The following IRAG2 variants were observed in gnomAD, a reference collection of about 807,000 sequenced individuals.
IRAG2 encodes the protein lymphoid restricted membrane protein.
Under a neutral mutation model 69.9 loss-of-function variants are expected in IRAG2, and 45 were observed. The observed-to-expected ratio is 0.64, with a 90% CI of 0.51 to 0.83. IRAG2 has a LOEUF of 0.83. Ranked by LOEUF, IRAG2 falls within the 40% of genes least tolerant of loss-of-function variation. The pLI is 0.00. For missense variants in IRAG2, 520 were observed against 587.0 expected (o/e 0.89, Z 1.18); for synonymous variants, 193 against 202.4 (o/e 0.95, Z 0.40).
At chr12:25,064,352 A>T (rs1161655323) in intron 4 of IRAG2, among the ~76,000 whole-genome samples, 1 of 152,248 alleles carries the variant, frequency 6.6e-6, no homozygotes, top group Admixed American at 6.5e-5. Context: ...AGTAAGAATC[A>T]AAAGCCTTAA....
Position 25,052,742 on chromosome 12 carries a change from C to T in IRAG2, c.-661C>T, listed in dbSNP as rs1944918530. The stretch of plus-strand genomic sequence containing the variant: ...CATCATAAGAGTGAGCACTCCATTG[C>T]TTTCTTTCCTGGCCACACTGCTACA... On this transcript the variant is annotated 5_prime_UTR_variant, in exon 1 of 22. Coordinates refer to ENST00000556887, the MANE Select transcript of IRAG2 (RefSeq NM_001366544.2). 1 of 398,586 alleles carries T rather than the reference C, an allele frequency of 2.5e-6. No individual in the cohort carries two copies. 24.7% of individuals were successfully genotyped at this position (398,586 alleles called of 1,614,324 possible). A position where few individuals can be genotyped will look rare whatever the true frequency, so the allele number is the denominator to read the frequency against.
intron 16 of IRAG2, among the ~76,000 whole-genome samples, chr12:25,041,258 C>T (rs1426183543): frequency 6.6e-6 from 1 of 152,122 alleles, no homozygotes; most frequent in Non-Finnish European, 1.5e-5. Flanking sequence ...CCACACACAG[C>T]CTTTGCAGTC....
intron 1 of IRAG2, among the ~76,000 whole-genome samples, chr12:25,056,106 T>C (rs1222068975): frequency 6.6e-6 from 1 of 152,152 alleles, no homozygotes; most frequent in Non-Finnish European, 1.5e-5. Flanking sequence ...CTAGATAATA[T>C]CACTGCAAAC....
intron 6 of IRAG2, among the ~76,000 whole-genome samples, chr12:25,073,457 C>A (rs1014602495): frequency 1.3e-5 from 2 of 152,212 alleles, no homozygotes; most frequent in African/African-American, 4.8e-5. Flanking sequence ...TGACTCATTT[C>A]TTGGGCTGGT....
chr12:25,011,437 G>C, exon 3 of IRAG2: 1 of 1,231,694 alleles, frequency 8.1e-7, no homozygotes. Flanking sequence ...TCTGAAGACA[G>C]TGGCCTTGAG....
chr12:25,050,021 G>A (rs1944829648), upstream of IRAG2, among the ~76,000 whole-genome samples: 3 of 146,758 alleles, frequency 2.0e-5, no homozygotes, highest in South Asian at 6.4e-4. Flanking sequence ...TACTCGGGAG[G>A]CCGAGGCAGG....
chr12:25,096,998 C>T lies in IRAG2; in HGVS notation c.695C>T (p.Ala232Val). The change falls in exon 15 of 22, where the codon GCA becomes GTA. Residue 232 changes from alanine (A) to valine (V), a missense_variant. Coordinates refer to ENST00000556887, the MANE Select transcript of IRAG2 (RefSeq NM_001366544.2). ...EKSIKFLSQC[A>V]ARVASRAEML... ...AGTATAAAGTTTCTTAGCCAGTGTGCAGCACGAGTGGCCAGTAGGGCTGAG... is the reference window on the plus strand; with the variant it reads ...AGTATAAAGTTTCTTAGCCAGTGTGTAGCACGAGTGGCCAGTAGGGCTGAG... 1 of 1,613,450 alleles carries T rather than the reference C, an allele frequency of 6.2e-7. No homozygotes were observed. The highest frequency in any genetic ancestry group is 1.1e-5 in the South Asian group (1 of 91,002).
intron 13 of IRAG2, chr12:25,035,447 T>A: frequency 2.6e-6 from 1 of 377,950 alleles, no homozygotes; most frequent in Non-Finnish European, 4.7e-6. Context: ...TGAGTTTTCC[T>A]TAAGACAGAA....
upstream of IRAG2, among the ~76,000 whole-genome samples, chr12:25,004,060 G>A (rs1284946742): frequency 1.3e-5 from 2 of 152,292 alleles, no homozygotes; most frequent in East Asian, 3.9e-4. Context: ...TTTTAAGGAT[G>A]AAATGAGTTG....
intron 1 of IRAG2, among the ~76,000 whole-genome samples, chr12:25,055,463 A>T (rs772095429): frequency 2.6e-5 from 4 of 152,066 alleles, no homozygotes; most frequent in Non-Finnish European, 5.9e-5. Flanking sequence ...TAAAAAGGAA[A>T]TTTTTTTTAT....
chr12:25,066,913 G>A (rs560899748), intron 5 of IRAG2, among the ~76,000 whole-genome samples: 1 of 152,086 alleles, frequency 6.6e-6, no homozygotes, highest in Admixed American at 6.5e-5. Flanking sequence ...GCCTCCCAAA[G>A]TGCTGGGATT....
intron 16 of IRAG2, among the ~76,000 whole-genome samples, chr12:25,040,416 A>G (rs1017572271): frequency 4.6e-5 from 7 of 152,086 alleles, no homozygotes; most frequent in African/African-American, 7.2e-5. Flanking sequence ...TTGAGGTGGA[A>G]GGATTGAGCC....
chr12:25,047,966 G>A (rs1349724635), upstream of IRAG2, among the ~76,000 whole-genome samples: 3 of 152,114 alleles, frequency 2.0e-5, no homozygotes, highest in Admixed American at 1.3e-4. Flanking sequence ...TATTCCTTGG[G>A]TATATACTCA....
At chr12:25,046,981 T>C (rs1483191876) in intron 16 of IRAG2, among the ~76,000 whole-genome samples, 1 of 152,136 alleles carries the variant, frequency 6.6e-6, no homozygotes, top group East Asian at 1.9e-4. Context: ...AAGACAGATA[T>C]ATAGACCAAT....
At chr12:25,094,774 G>A (rs986638304) in intron 14 of IRAG2, among the ~76,000 whole-genome samples, 17 of 151,786 alleles carry the variant, frequency 1.1e-4, no homozygotes, top group Non-Finnish European at 2.2e-4. Context: ...GTGGTTTTCG[G>A]TGTACATCTC....
intron 10 of IRAG2, chr12:25,031,993 A>G (rs1944671795): frequency 5.1e-6 from 2 of 390,156 alleles, no homozygotes; most frequent in Admixed American, 4.4e-5. Flanking sequence ...CAAAACACCG[A>G]CTGGTTCAGT....
At chr12:25,061,398 G>A (rs985192719) in intron 1 of IRAG2, among the ~76,000 whole-genome samples, 194 bp from the exon 2 acceptor site, 1 of 152,200 alleles carries the variant, frequency 6.6e-6, no homozygotes, top group Non-Finnish European at 1.5e-5. Flanking sequence ...GGTGGCATGT[G>A]CCTGTAATTC....
intron 9 of IRAG2, among the ~76,000 whole-genome samples, chr12:25,028,335 C>A (rs1944640915): frequency 6.6e-6 from 1 of 152,104 alleles, no homozygotes; most frequent in African/African-American, 2.4e-5. Context: ...TACATTCTTG[C>A]CCAGATTTGT....
intron 20 of IRAG2, 94 bp downstream of exon 20, chr12:25,104,556 A>G (rs1565593396): frequency 6.8e-6 from 5 of 733,864 alleles, no homozygotes; most frequent in Non-Finnish European, 1.2e-5. Context: ...ATAATGCTGT[A>G]TAATTAAAAA....
Sources: allele counts gnomAD v4.1 joint callset (sites outside exome capture counted in the v4.1 genomes callset), GRCh38; gene constraint gnomAD v4.1.1; transcripts MANE v1.5; gene names NCBI Gene and HGNC (gene_info 2026-07-23, HGNC 2026-07-21).